Variants in TEX36 observed in about 807,000 individuals in gnomAD.
TEX36 encodes testis expressed 36, also known as testis-expressed protein 36.
Under a neutral mutation model 13.6 loss-of-function variants are expected in TEX36, and 12 were observed. The ratio of observed to expected loss-of-function variants is 0.88; its 90% CI spans 0.56 to 1.43. TEX36 has a LOEUF of 1.43. TEX36 is among the 40% of genes most tolerant of loss of function. TEX36 has a pLI of 0.00. For missense variants in TEX36, 224 were observed against 228.3 expected, an observed-to-expected ratio of 0.98 and a Z score of 0.12; for synonymous variants, 93 against 83.0, an observed-to-expected ratio of 1.12 and a Z score of -0.65.
chr10:125,609,201 G>T (rs1846259333), intron 3 of TEX36, among the ~76,000 whole-genome samples: 1 of 151,892 alleles, frequency 6.6e-6, no homozygotes, highest in South Asian at 2.1e-4. Flanking sequence ...CTAAACAGGG[G>T]AAGGGGTTGG....
chr10:125,613,188 T>A (rs1846311831), intron 3 of TEX36, among the ~76,000 whole-genome samples: 2 of 149,818 alleles, frequency 1.3e-5, no homozygotes, highest in Admixed American at 6.6e-5. Flanking sequence ...GACAAGACTG[T>A]CTTTCTCTAG....
chr10:125,593,194 C>T (rs1374385773), intron 3 of TEX36, among the ~76,000 whole-genome samples: 1 of 152,260 alleles, frequency 6.6e-6, no homozygotes, highest in African/African-American at 2.4e-5. Flanking sequence ...AGGGCCCCAG[C>T]CACCAGTCAT....
intron 3 of TEX36, among the ~76,000 whole-genome samples, chr10:125,613,217 C>CT (rs71029263): frequency 0.074 from 8,668 of 116,720 alleles, 768 homozygotes; most frequent in African/African-American, 0.2. Context: ...TCCCCACTTC[C>CT]TTTTTTTTTT....
chr10:125,576,762 A>G, exon 4 of TEX36: 2 of 1,535,288 alleles, frequency 1.3e-6, no homozygotes, highest in Non-Finnish European at 1.7e-6. Flanking sequence ...CACTGCAAGG[A>G]GGGGTGCATT....
At chr10:125,611,339 G>A (rs535184440) in intron 3 of TEX36, among the ~76,000 whole-genome samples, 12 of 152,180 alleles carry the variant, frequency 7.9e-5, no homozygotes, top group Non-Finnish European at 1.5e-4. Context: ...ATTCCCACCC[G>A]TTTCCTGCCA....
intron 1 of TEX36, among the ~76,000 whole-genome samples, chr10:125,679,795 GA>G (rs1847367504): frequency 6.6e-6 from 1 of 152,192 alleles, no homozygotes; most frequent in Non-Finnish European, 1.5e-5. Flanking sequence ...TTCTAAGTGG[GA>G]TAGGCGGGCA....
intron 3 of TEX36, among the ~76,000 whole-genome samples, chr10:125,597,181 C>A (rs1846090338): frequency 6.6e-6 from 1 of 152,202 alleles, no homozygotes; most frequent in Non-Finnish European, 1.5e-5. Context: ...TCTGTCTTCT[C>A]TATCCACTGC....
At chr10:125,587,193 G>A (rs2133528474) in intron 3 of TEX36, among the ~76,000 whole-genome samples, 1 of 152,158 alleles carries the variant, frequency 6.6e-6, no homozygotes, top group East Asian at 1.9e-4. Flanking sequence ...CTTTACAGCA[G>A]TACAAGAACA....
rs1847066381 is a variant in TEX36 at position 125,662,688 on chromosome 10, G to A, written c.52-711C>T. Among the ~76,000 whole-genome samples, 3 of 152,270 alleles carry A rather than the reference G, an allele frequency of 2.0e-5. No homozygotes were observed. The South Asian group carries it at 6.2e-4, about 32-fold the overall frequency. ...CATTGGGTGGCCACTCAGAGCTGGG[G>A]AGAGGGGACCCAGTCTCTGTGCACC... On this transcript the variant is annotated intron_variant, in intron 1 of 3. Coordinates refer to ENST00000368821, the MANE Select transcript of TEX36 (RefSeq NM_001128202.3).
chr10:125,610,969 G>T (rs1020666799), intron 3 of TEX36, among the ~76,000 whole-genome samples: 1 of 152,064 alleles, frequency 6.6e-6, no homozygotes, highest in Admixed American at 6.5e-5. Flanking sequence ...GCTATCTTAC[G>T]TTTCCGTGGA....
Position 125,608,923 on chromosome 10 carries a change from C to T in TEX36, c.265-32049G>A, listed in dbSNP as rs536530768. 1.2e-3 allele frequency among the ~76,000 whole-genome samples: 172 copies of T among 147,976 alleles called. 1 individual carries two copies. Among genetic ancestry groups the T allele is most frequent in the African/African-American group, 4.1e-3 (164 of 39,930 alleles). ...GCCGAGGAAGGCGGATCACTTGAGG[C>T]CAGGAGTTTGAGACCAGCCTGGCCA... On this transcript the variant is annotated intron_variant, in intron 3 of 3. Transcript: ENST00000532135.
intron 3 of TEX36, among the ~76,000 whole-genome samples, chr10:125,614,109 C>A (rs898291852): frequency 3.3e-4 from 50 of 152,240 alleles, no homozygotes; most frequent in African/African-American, 1.2e-3. Flanking sequence ...ATGTCCTTTG[C>A]CCACTTTTTG....
At chr10:125,638,758 A>G (rs1006553575) in intron 3 of TEX36, among the ~76,000 whole-genome samples, 1 of 152,046 alleles carries the variant, frequency 6.6e-6, no homozygotes, top group African/African-American at 2.4e-5. Flanking sequence ...CTCACCTGCC[A>G]CCCCAACCTG....
chr10:125,576,817 C>G (rs188018174), exon 4 of TEX36: 2 of 1,536,032 alleles, frequency 1.3e-6, no homozygotes, highest in Admixed American at 2.0e-5. Context: ...CTCACCGGCT[C>G]ATAGAACTCT....
intron 3 of TEX36, among the ~76,000 whole-genome samples, chr10:125,658,527 A>G (rs1385247218): frequency 6.6e-6 from 1 of 152,182 alleles, no homozygotes; most frequent in Non-Finnish European, 1.5e-5. Context: ...ACAGTCCTAA[A>G]TTAATAAATA....
At chr10:125,633,955 C>G (rs933089484) in intron 3 of TEX36, among the ~76,000 whole-genome samples, 1 of 152,096 alleles carries the variant, frequency 6.6e-6, no homozygotes, top group Non-Finnish European at 1.5e-5. Flanking sequence ...AGTACCCACC[C>G]CTCTGCCTCT....
At chr10:125,657,203 C>T (rs569099624) in intron 3 of TEX36, among the ~76,000 whole-genome samples, 59 of 152,282 alleles carry the variant, frequency 3.9e-4, no homozygotes, top group African/African-American at 1.3e-3. Context: ...GATGAAGGGT[C>T]AGTGTCAGAT....
At chr10:125,681,274 G>A (rs537132502) in intron 1 of TEX36, among the ~76,000 whole-genome samples, 1 of 152,304 alleles carries the variant, frequency 6.6e-6, no homozygotes, top group South Asian at 2.1e-4. Context: ...AGCCTGGGAT[G>A]GCCAACTTCT....
intron 3 of TEX36, among the ~76,000 whole-genome samples, chr10:125,600,164 C>T (rs564062828): frequency 3.3e-5 from 5 of 152,312 alleles, no homozygotes; most frequent in Admixed American, 2.6e-4. Context: ...GTGTCATCTT[C>T]TTAATAAGAT....
Sources: gnomAD v4.1 joint callset for allele counts (sites outside exome capture counted in the v4.1 genomes callset) on GRCh38, gnomAD v4.1.1 for gene constraint, MANE v1.5 for transcripts, NCBI Gene and HGNC (gene_info 2026-07-23, HGNC 2026-07-21) for gene names.